SLC39A5: variants seen among roughly 807,000 people sequenced by gnomAD.
SLC39A5 encodes zinc transporter ZIP5.
In SLC39A5, 42 loss-of-function variants were observed where a neutral mutation model predicts 46.9. The observed-to-expected ratio is 0.90, with a 90% CI of 0.70 to 1.16. SLC39A5 has a LOEUF of 1.16. Ranked by LOEUF, SLC39A5 falls within the 50% of genes most tolerant of loss-of-function variation. The probability of loss-of-function intolerance (pLI) is 0.00; values close to 1 mark genes in which losing one functional copy is unlikely to be tolerated. For missense variants in SLC39A5, 677 were observed against 686.8 expected (o/e 0.99, Z 0.16); for synonymous variants, 311 against 323.1 (o/e 0.96, Z 0.40).
intron 7 of SLC39A5, 114 bp downstream of exon 7, chr12:56,235,440 G>T: frequency 6.6e-7 from 1 of 1,510,480 alleles, no homozygotes; most frequent in Non-Finnish European, 8.8e-7. Flanking sequence ...CCAGATCCTG[G>T]CTTCAGCCCA....
chr12:56,235,058 C>T (rs1486041500), intron 6 of SLC39A5, 72 bp downstream of exon 6: 34 of 1,595,634 alleles, frequency 2.1e-5, no homozygotes, highest in Non-Finnish European at 2.7e-5. Context: ...AGGAGGCTCA[C>T]TGGGGTCCTG....
At chr12:56,234,116 G>A (rs1476554503) in intron 5 of SLC39A5, among the ~76,000 whole-genome samples, 5 of 152,008 alleles carry the variant, frequency 3.3e-5, no homozygotes, top group African/African-American at 1.2e-4. Context: ...AGACCCAGGA[G>A]TCTATGCAAT....
chr12:56,235,376 T>TC (rs745519992), intron 7 of SLC39A5, 50 bp downstream of exon 7: 1 of 1,505,844 alleles, frequency 6.6e-7, no homozygotes, highest in African/African-American at 1.4e-5. Flanking sequence ...ATCTAAGGTG[T>TC]CCCCAGCCAT....
intron 5 of SLC39A5, 147 bp downstream of exon 5, chr12:56,233,019 T>A: frequency 1.2e-6 from 1 of 800,408 alleles, no homozygotes; most frequent in Non-Finnish European, 1.9e-6. Flanking sequence ...CCCAACACTT[T>A]GGGAGGCCGA....
Position 56,231,157 on chromosome 12 carries a change from G to A in SLC39A5, c.-71-47G>A, listed in dbSNP as rs887443136. 2.5e-6 allele frequency: 3 copies of A among 1,191,948 alleles called. No individual in the cohort carries two copies. The Admixed American group carries it at 7.3e-5, about 29-fold the overall frequency. 73.8% of individuals were successfully genotyped at this position (1,191,948 alleles called of 1,614,324 possible). A position where few individuals can be genotyped will look rare whatever the true frequency, so the allele number is the denominator to read the frequency against. ...GGAGCTCTGGCTCCCCCATGGACCT[G>A]AGCTGGAGAGCAGAGCGCAGCTCCA... is the stretch of plus-strand genomic sequence containing the variant. On this transcript the variant is annotated intron_variant, in intron 3 of 12. Transcript: ENST00000454355.
In SLC39A5 at chr12:56,231,364, C is replaced by T. The variant is rs769513006; in HGVS notation, c.90C>T (p.Gly30=). 2 of 1,613,892 alleles carry T rather than the reference C, an allele frequency of 1.2e-6. No individual in the cohort carries two copies. Among genetic ancestry groups the T allele is most frequent in the South Asian group, 1.1e-5 (1 of 91,090 alleles). ...GWVGGSVPNL[G]PAEQEQNHYL... is the part of the protein sequence containing the mutation. ...TAGGGGGCTCAGTCCCCAACCTGGG[C>T]CCTGCTGAGCAGGAGCAGAACCATT... Residue 30 remains glycine, a synonymous_variant, in exon 4 of 13, where the codon GGC becomes GGT. Transcript: ENST00000454355.
intron 12 of SLC39A5, 59 bp downstream of exon 12, chr12:56,237,399 G>A: frequency 1.9e-6 from 3 of 1,542,844 alleles, no homozygotes; most frequent in South Asian, 1.2e-5. Flanking sequence ...GGAGTGGAGA[G>A]GGAGGTAGCA....
chr12:56,235,661 G>A lies in SLC39A5; in HGVS notation c.906G>A (p.Glu302=), dbSNP rs1565601254. The A allele has an allele frequency of 6.2e-7, 1 of 1,614,078 alleles. No individual in the cohort carries two copies. Among genetic ancestry groups the A allele is most frequent in the Non-Finnish European group, 8.5e-7 (1 of 1,180,006 alleles). The part of the protein sequence containing the change: ...LGGLFLLFVL[E]NMLGLLRHRG... ...GCCTCTTCCTGCTCTTTGTGCTGGA[G>A]AACATGCTGGGGCTTTTGCGGCACC... Residue 302 remains glutamate (E), a synonymous_variant, in exon 8 of 13, where the codon GAG becomes GAA. Coordinates refer to ENST00000454355, the MANE Select transcript of SLC39A5 (RefSeq NM_173596.3).
chr12:56,233,484 A>T (rs935939912), intron 5 of SLC39A5, among the ~76,000 whole-genome samples: 4 of 151,828 alleles, frequency 2.6e-5, no homozygotes, highest in East Asian at 1.9e-4. Context: ...AAAATAAAAA[A>T]AAAATATCTC....
intron 6 of SLC39A5, 23 bp downstream of exon 6, chr12:56,235,009 G>C (rs1226662443): frequency 1.2e-6 from 2 of 1,611,536 alleles, no homozygotes; most frequent in South Asian, 2.2e-5. Flanking sequence ...GAGTGGGTGG[G>C]GGACACCCTG....
chr12:56,236,588 G>C lies in SLC39A5; in HGVS notation c.1049G>C (p.Gly350Ala). The C allele has an allele frequency of 1.2e-6, 2 of 1,612,784 alleles. No homozygotes were observed. The highest frequency in any genetic ancestry group is 1.7e-6 in the Non-Finnish European group (2 of 1,179,046). ...LQPLQAAPEP[G>A]AQGQREKNSQ... The stretch of plus-strand genomic sequence containing the variant: ...CCTGTGCTTCTTCCCGCAGAGCCAG[G>C]GGCTCAGGGCCAGAGGGAGAAGAAC... The change falls in exon 10 of 13, where the codon GGG (glycine) becomes GCG (alanine). Residue 350 changes from glycine (G) to alanine (A), a missense_variant. Gly to Ala is a moderately conservative substitution (Grantham distance 60). Coordinates refer to ENST00000454355, the MANE Select transcript of SLC39A5 (RefSeq NM_173596.3).
rs1285291412 is a variant in SLC39A5 at position 56,232,758 on chromosome 12, C to T, written c.357C>T (p.Asp119=). The change falls in exon 5 of 13, where the codon GAC becomes GAT. Residue 119 remains aspartate (D), a synonymous_variant. Coordinates refer to ENST00000454355, the MANE Select transcript of SLC39A5 (RefSeq NM_173596.3). ...CTCTGGGTCCCTCAGGGTGGGGTGA[C>T]CTGGAAGAGTCAAAGGCCCCTCACC... ...GMPLGPSGWG[D]LEESKAPHLP... 1 of 1,612,216 alleles carries T rather than the reference C, an allele frequency of 6.2e-7. No homozygotes were observed. The highest frequency in any genetic ancestry group is 8.5e-7 in the Non-Finnish European group (1 of 1,179,370).
intron 5 of SLC39A5, among the ~76,000 whole-genome samples, chr12:56,233,781 A>G (rs1870465647): frequency 6.6e-6 from 1 of 152,236 alleles, no homozygotes; most frequent in African/African-American, 2.4e-5. Context: ...TGCCCATTGC[A>G]GGAAGCATTC....
In SLC39A5 at chr12:56,237,729, T is replaced by C. The variant is rs375990457; in HGVS notation, c.1621T>C (p.Ter541ArgextTer26). ...ERLLPVTTEG[*>R] is the part of the protein sequence containing the mutation. ...GCTACTGCCCGTGACCACTGAGGGC[T>C]GATGGGGCCAGTGGAAAGGGGTCGG... Residue 541 changes from the stop codon to arginine, a stop_lost, in exon 13 of 13, where the codon TGA becomes CGA. Coordinates refer to ENST00000454355, the MANE Select transcript of SLC39A5 (RefSeq NM_173596.3). 41 of 1,549,538 alleles carry C rather than the reference T, an allele frequency of 2.6e-5. No homozygotes were observed. Among genetic ancestry groups the C allele is most frequent in the Non-Finnish European group, 3.5e-5 (40 of 1,149,950 alleles).
At position 56,234,944 on chromosome 12, in the gene SLC39A5, A is replaced by G. The variant is rs959224328; in HGVS notation, c.592A>G (p.Ile198Val). ...LLYQIDSRVC[I>V]GAPAPAPPGD... Reference sequence around the variant, plus strand: ...TTATCAGATCGACAGCCGCGTCTGCATCGGCGCTCCGGCCCCTGCACCCCC... The same window carrying G: ...TTATCAGATCGACAGCCGCGTCTGCGTCGGCGCTCCGGCCCCTGCACCCCC... Residue 198 changes from isoleucine to valine, a missense_variant, in exon 6 of 13, where the codon ATC becomes GTC. Transcript: ENST00000454355. 3 of 1,613,568 alleles carry G rather than the reference A, an allele frequency of 1.9e-6. No individual in the cohort carries two copies. Among genetic ancestry groups the G allele is most frequent in the Non-Finnish European group, 2.5e-6 (3 of 1,179,972 alleles).
At chr12:56,235,378 C>T (rs1243236500) in intron 7 of SLC39A5, 52 bp downstream of exon 7, 2 of 1,506,004 alleles carry the variant, frequency 1.3e-6, no homozygotes, top group Non-Finnish European at 8.8e-7. Flanking sequence ...CTAAGGTGTC[C>T]CCAGCCATAG....
chr12:56,235,782 C>T (rs761514843), intron 8 of SLC39A5, 82 bp downstream of exon 8: 8 of 1,573,644 alleles, frequency 5.1e-6, no homozygotes, highest in Non-Finnish European at 6.0e-6. Context: ...CGGTGGCTCA[C>T]GCCTGTAATC....
In SLC39A5 at chr12:56,237,309, G is replaced by A. The variant is rs770937674; in HGVS notation, c.1448G>A (p.Gly483Glu). The change falls in exon 12 of 13, where the codon GGG becomes GAG. Residue 483 changes from glycine to glutamate, a missense_variant. Gly to Glu is a moderately conservative substitution (Grantham distance 98, BLOSUM62 -2). Transcript: ENST00000454355. Reference protein sequence around the residue: ...LTPWVFGVTAGVFLYVALVDM... With the variant: ...LTPWVFGVTAEVFLYVALVDM... Reference sequence around the variant, plus strand: ...CCCTGGGTGTTTGGGGTCACTGCTGGGGTCTTCCTCTATGTGGCCCTTGTG... The same window carrying A: ...CCCTGGGTGTTTGGGGTCACTGCTGAGGTCTTCCTCTATGTGGCCCTTGTG... 8.7e-6 allele frequency: 14 copies of A among 1,608,810 alleles called. No homozygotes were observed. In the East Asian group the frequency reaches 3.1e-4, roughly 36 times the overall value.
rs1375128443 is a variant in SLC39A5, at chr12:56,237,664, G to C, written c.1556G>C (p.Gly519Ala). The C allele has an allele frequency of 6.2e-7, 1 of 1,609,344 alleles. No homozygotes were observed. The highest frequency in any genetic ancestry group is 1.1e-5 in the South Asian group (1 of 90,630). The change falls in exon 13 of 13, where the codon GGG becomes GCG. Residue 519 changes from glycine (G) to alanine (A), a missense_variant. Coordinates refer to ENST00000454355, the MANE Select transcript of SLC39A5 (RefSeq NM_173596.3). ...CTGCAGGGGCTGGGGCTGCTGCTGG[G>C]GGGCGGCCTCATGCTTGCCATAACC... is the stretch of plus-strand genomic sequence containing the variant. ...VLLQGLGLLL[G>A]GGLMLAITLL...
Sources: allele counts gnomAD v4.1 joint callset (sites outside exome capture counted in the v4.1 genomes callset), GRCh38; gene constraint gnomAD v4.1.1; transcripts MANE v1.5; gene names NCBI Gene and HGNC (gene_info 2026-07-23, HGNC 2026-07-21).